Variants in MRTFA observed in about 807,000 individuals in gnomAD.
MRTFA encodes the protein myocardin related transcription factor A.
In MRTFA, 20 loss-of-function variants were observed where a neutral mutation model predicts 83.5. The observed-to-expected ratio is 0.24, with a 90% confidence interval of 0.17 to 0.35. The LOEUF (loss-of-function observed/expected upper bound fraction) is 0.35. Among genes scored for constraint, MRTFA ranks in the 10% least tolerant of loss-of-function variants. The pLI is 1.00. For missense variants in MRTFA, 1,200 were observed against 1,224.7 expected (o/e 0.98, Z 0.30); for synonymous variants, 659 against 541.2 (o/e 1.22, Z -3.02).
At chr22:40,485,279 A>G (rs935686918) in intron 3 of MRTFA, among the ~76,000 whole-genome samples, 1 of 152,286 alleles carries the variant, frequency 6.6e-6, no homozygotes, top group Admixed American at 6.5e-5. Context: ...TCCCTAAGGA[A>G]TCTCACTAGT....
intron 3 of MRTFA, among the ~76,000 whole-genome samples, chr22:40,465,328 T>C (rs963318030): frequency 2.0e-5 from 3 of 152,212 alleles, no homozygotes; most frequent in Admixed American, 2.0e-4. Flanking sequence ...TTTCTTGTAC[T>C]GAACTGGATC....
chr22:40,620,673 G>C (rs2147433425), intron 1 of MRTFA, among the ~76,000 whole-genome samples: 1 of 152,130 alleles, frequency 6.6e-6, no homozygotes, highest in South Asian at 2.1e-4. Context: ...CATGCTGAAG[G>C]GATCAGGAGT....
intron 2 of MRTFA, among the ~76,000 whole-genome samples, chr22:40,582,433 G>A (rs376838424): frequency 6.6e-6 from 1 of 152,052 alleles, no homozygotes; most frequent in African/African-American, 2.4e-5. Flanking sequence ...AGTATATAAC[G>A]ATGAGAAGAA....
chr22:40,455,594 C>T (rs1228105615), intron 4 of MRTFA, among the ~76,000 whole-genome samples: 1 of 149,050 alleles, frequency 6.7e-6, no homozygotes, highest in East Asian at 2.0e-4. Context: ...TGCAGTGAGC[C>T]GAGATCGCGC....
intron 3 of MRTFA, among the ~76,000 whole-genome samples, chr22:40,470,521 C>T (rs1203311995): frequency 3.3e-5 from 5 of 150,978 alleles, no homozygotes; most frequent in Non-Finnish European, 7.4e-5. Context: ...GAAATACATG[C>T]GGTAAGCCTT....
intron 5 of MRTFA, among the ~76,000 whole-genome samples, chr22:40,433,915 T>C (rs1277526808): frequency 6.6e-6 from 1 of 152,242 alleles, no homozygotes; most frequent in African/African-American, 2.4e-5. Flanking sequence ...ATGGTTACCA[T>C]GTGTTAGGAA....
intron 2 of MRTFA, among the ~76,000 whole-genome samples, chr22:40,560,757 C>G (rs2055601549): frequency 6.6e-6 from 1 of 152,168 alleles, no homozygotes. Context: ...CTCCCACAAC[C>G]CATCTGTTTC....
chr22:40,419,085 G>T lies in MRTFA; in HGVS notation c.1653C>A (p.Pro551=), dbSNP rs8135911. The T allele has an allele frequency of 2.5e-6, 4 of 1,603,922 alleles. No individual in the cohort carries two copies. In the African/African-American group the frequency reaches 5.4e-5, roughly 22 times the overall value. The stretch of plus-strand genomic sequence containing the variant: ...GCTCCGAGGGGGTGGGAGACACGGG[G>T]GGCGTGGAGCCCGTGCTGCCAAACT... Residue 551 remains proline (P), a synonymous_variant, in exon 12 of 15, where the codon CCC becomes CCA. Transcript: ENST00000355630.
rs34991397 is a variant in MRTFA, at chr22:40,558,247, CTTTTTTTTTTTTTT to C, written c.-21-5894_-21-5881del. The stretch of plus-strand genomic sequence containing the variant: ...ACTACAGGCACACCATCATGCCTGG[CTTTTTTTTTTTTTT>C]TTTTTTTTTTTTTGCAAGGGGTTGG... On this transcript the variant is annotated intron_variant, in intron 2 of 14. Coordinates refer to ENST00000355630, the MANE Select transcript of MRTFA (RefSeq NM_020831.6). Among the ~76,000 whole-genome samples, 7 of 45,488 alleles carry C rather than the reference CTTTTTTTTTTTTTT, an allele frequency of 1.5e-4. 1 individual carries two copies. The highest frequency in any genetic ancestry group is 1.6e-3 in the South Asian group (2 of 1,222). 29.8% of individuals were successfully genotyped at this position (45,488 alleles called of 152,430 possible). A position where few individuals can be genotyped will look rare whatever the true frequency, so the allele number is the denominator to read the frequency against.
At chr22:40,498,876 G>A (rs1173832124) in intron 3 of MRTFA, among the ~76,000 whole-genome samples, 2 of 152,140 alleles carry the variant, frequency 1.3e-5, no homozygotes, top group African/African-American at 4.8e-5. Context: ...ACCTCTCTAA[G>A]CTTTCATTTC....
At chr22:40,617,726 CAA>C (rs36082563) in intron 1 of MRTFA, among the ~76,000 whole-genome samples, 1 of 121,828 alleles carries the variant, frequency 8.2e-6, no homozygotes, top group Non-Finnish European at 1.7e-5. Flanking sequence ...GACTCTGTCT[CAA>C]AAAAAAAAAA....
intron 3 of MRTFA, among the ~76,000 whole-genome samples, chr22:40,479,157 GA>G (rs1461108506): frequency 4.6e-5 from 7 of 152,138 alleles, no homozygotes; most frequent in Non-Finnish European, 1.0e-4. Context: ...ATGCCAGCAG[GA>G]AAGAACTACC....
Position 40,481,367 on chromosome 22 carries a change from T to C in MRTFA, c.242-18081A>G, listed in dbSNP as rs575576580. Among the ~76,000 whole-genome samples, 22 of 152,242 alleles carry C rather than the reference T, an allele frequency of 1.4e-4. 1 individual carries two copies. The highest frequency in any genetic ancestry group is 4.3e-4 in the African/African-American group (18 of 41,522). On this transcript the variant is annotated intron_variant, in intron 3 of 14. Coordinates refer to ENST00000355630, the MANE Select transcript of MRTFA (RefSeq NM_020831.6). ...CATTCATTTATTGAACTAATATGTA[T>C]AGGTGATACTTACAGGTGATAAAAC...
At position 40,418,468 on chromosome 22, in the gene MRTFA, G is replaced by A. The variant is rs749834821; in HGVS notation, c.2270C>T (p.Thr757Ile). ...GGTCCCTGTGGAGTCGGTGATGAGG[G>A]TGGGAGGTGCAACCCCCTTGATGAG... The change falls in exon 12 of 15, where the codon ACC becomes ATC. Residue 757 changes from threonine (T) to isoleucine (I), a missense_variant. Thr to Ile is a moderately conservative substitution (Grantham distance 89, BLOSUM62 -1). This residue lies in a region of MRTFA where 1,107 missense variants were observed against 1,041.8 expected (regional missense o/e 1.06). Transcript: ENST00000355630. 6.2e-7 allele frequency: 1 copy of A among 1,613,712 alleles called. No homozygotes were observed. The highest frequency in any genetic ancestry group is 1.7e-5 in the Admixed American group (1 of 59,938).
At chr22:40,562,216 CAAA>C (rs35542557) in intron 2 of MRTFA, among the ~76,000 whole-genome samples, 14 of 106,504 alleles carry the variant, frequency 1.3e-4, no homozygotes, top group African/African-American at 1.0e-4. Flanking sequence ...GACTCCATCT[CAAA>C]AAAAAAAAAA....
At chr22:40,528,097 G>GTTC (rs1242707895) in intron 3 of MRTFA, among the ~76,000 whole-genome samples, 1 of 152,164 alleles carries the variant, frequency 6.6e-6, no homozygotes, top group Non-Finnish European at 1.5e-5. Flanking sequence ...CATCATTAAA[G>GTTC]TATGAGATCA....
At chr22:40,564,428 A>G (rs1460223971) in intron 2 of MRTFA, among the ~76,000 whole-genome samples, 1 of 152,164 alleles carries the variant, frequency 6.6e-6, no homozygotes, top group Non-Finnish European at 1.5e-5. Context: ...AGGCTGAGTT[A>G]CAGATATAAG....
At chr22:40,603,709 G>A (rs2056285361) in intron 1 of MRTFA, among the ~76,000 whole-genome samples, 1 of 151,880 alleles carries the variant, frequency 6.6e-6, no homozygotes, top group South Asian at 2.1e-4. Context: ...AAAATATGAA[G>A]GAGGAGGTGT....
At chr22:40,584,340 C>T (rs1022464309) in intron 2 of MRTFA, among the ~76,000 whole-genome samples, 1 of 152,238 alleles carries the variant, frequency 6.6e-6, no homozygotes, top group African/African-American at 2.4e-5. Flanking sequence ...CCAAGTCAGC[C>T]TTTCCATACA....
Sources: gnomAD v4.1 joint callset for allele counts (sites outside exome capture counted in the v4.1 genomes callset) on GRCh38, gnomAD v4.1.1 for gene constraint, gnomAD v4.1.1 regional missense constraint, MANE v1.5 for transcripts, NCBI Gene and HGNC (gene_info 2026-07-23, HGNC 2026-07-21) for gene names.